Variants in FARS2 observed in about 807,000 individuals in gnomAD.
The protein encoded by FARS2 is phenylalanyl-tRNA synthetase 2, mitochondrial.
Under a neutral mutation model 46.4 loss-of-function variants are expected in FARS2, and 40 were observed. That is an observed-to-expected ratio of 0.86 (90% CI 0.67 to 1.12). The LOEUF is 1.12. Among genes scored for constraint, FARS2 ranks in the 50% most tolerant of loss-of-function variants. The pLI is 0.00. For synonymous variants in FARS2, 234 were observed against 214.9 expected, an observed-to-expected ratio of 1.09 and a Z score of -0.78; for missense variants, 513 against 567.9, an observed-to-expected ratio of 0.90 and a Z score of 0.98.
At chr6:5,250,111 T>C in the FARS2 span, among the ~76,000 whole-genome samples, 1 of 152,304 alleles carries the variant, frequency 6.6e-6, no homozygotes, top group Middle Eastern at 3.4e-3. Flanking sequence ...GGCCTAACTT[T>C]ACTCCTCATT....
intron 1 of FARS2, among the ~76,000 whole-genome samples, chr6:5,271,026 T>C (rs1326553729): frequency 6.6e-6 from 1 of 152,208 alleles, no homozygotes; most frequent in Non-Finnish European, 1.5e-5. Context: ...GTGACTGCCA[T>C]TGCAAGTAAC....
chr6:5,536,279 C>T (rs1200960147), intron 4 of FARS2, among the ~76,000 whole-genome samples: 3 of 152,092 alleles, frequency 2.0e-5, no homozygotes, highest in Non-Finnish European at 4.4e-5. Context: ...GATCTGCCCA[C>T]CTCGGCCTCC....
At chr6:5,318,235 T>TAC (rs1423377222) in intron 1 of FARS2, among the ~76,000 whole-genome samples, 1 of 152,062 alleles carries the variant, frequency 6.6e-6, no homozygotes, top group African/African-American at 2.4e-5. Context: ...GGCCGGCACC[T>TAC]GTAGTTCCAG....
intron 6 of FARS2, among the ~76,000 whole-genome samples, chr6:5,645,198 C>T (rs1309543564): frequency 6.6e-6 from 1 of 152,188 alleles, no homozygotes; most frequent in Admixed American, 6.5e-5. Context: ...GTCATTCTCC[C>T]TCTGGTGTAA....
intron 4 of FARS2, among the ~76,000 whole-genome samples, chr6:5,448,126 T>C (rs1764282783): frequency 6.6e-6 from 1 of 151,748 alleles, no homozygotes; most frequent in Non-Finnish European, 1.5e-5. Flanking sequence ...ACAGTGAGAG[T>C]GCTGGTGGGA....
At chr6:5,331,086 C>T (rs1349104602) in intron 1 of FARS2, among the ~76,000 whole-genome samples, 2 of 140,882 alleles carry the variant, frequency 1.4e-5, no homozygotes, top group African/African-American at 2.7e-5. Context: ...GCCTGGGTGA[C>T]AGAGTGAAAC....
At chr6:5,752,774 G>A (rs1762020637) in intron 6 of FARS2, among the ~76,000 whole-genome samples, 1 of 152,150 alleles carries the variant, frequency 6.6e-6, no homozygotes, top group African/African-American at 2.4e-5. Context: ...TGGGGCCCAG[G>A]GATGGAAGGC....
intron 5 of FARS2, among the ~76,000 whole-genome samples, chr6:5,610,720 T>G (rs144174119): frequency 6.1e-4 from 93 of 152,300 alleles, no homozygotes; most frequent in African/African-American, 2.1e-3. Context: ...TAAGAAAACA[T>G]GAATAATATT....
At chr6:5,287,448 G>A (rs1439228547) in intron 1 of FARS2, among the ~76,000 whole-genome samples, 1 of 152,116 alleles carries the variant, frequency 6.6e-6, no homozygotes, top group Non-Finnish European at 1.5e-5. Context: ...TTTTTATCCT[G>A]ATTCTCTTTT....
intron 6 of FARS2, among the ~76,000 whole-genome samples, chr6:5,696,758 A>G (rs967982629): frequency 1.3e-5 from 2 of 152,202 alleles, no homozygotes; most frequent in African/African-American, 4.8e-5. Flanking sequence ...TAAATTTTTT[A>G]CTATGAACAT....
chr6:5,721,606 C>T (rs1449171479), intron 6 of FARS2, among the ~76,000 whole-genome samples: 1 of 152,178 alleles, frequency 6.6e-6, no homozygotes, highest in Non-Finnish European at 1.5e-5. Context: ...TAAGCGTCGA[C>T]ACATTTCATT....
At chr6:5,599,845 C>T (rs570235908) in intron 5 of FARS2, among the ~76,000 whole-genome samples, 5 of 151,936 alleles carry the variant, frequency 3.3e-5, no homozygotes, top group Non-Finnish European at 4.4e-5. Flanking sequence ...ACCAGAGGCA[C>T]ATGTGATATT....
intron 3 of FARS2, among the ~76,000 whole-genome samples, chr6:5,410,472 A>G (rs1761883503): frequency 1.3e-5 from 2 of 151,978 alleles, no homozygotes; most frequent in Admixed American, 6.5e-5. Flanking sequence ...GCGTTGTTCT[A>G]TTTCAGGCAT....
chr6:5,653,875 A>T (rs1777488063), intron 6 of FARS2, among the ~76,000 whole-genome samples: 1 of 151,960 alleles, frequency 6.6e-6, no homozygotes, highest in African/African-American at 2.4e-5. Context: ...GGGGAAGAGG[A>T]TAGTGGAGAA....
intron 3 of FARS2, among the ~76,000 whole-genome samples, chr6:5,413,213 C>T (rs1213609843): frequency 1.3e-5 from 2 of 152,094 alleles, no homozygotes; most frequent in African/African-American, 4.8e-5. Flanking sequence ...TTTAAGGAGC[C>T]CAGAAACCTT....
At chr6:5,477,190 C>T (rs1194859306) in intron 4 of FARS2, among the ~76,000 whole-genome samples, 1 of 152,046 alleles carries the variant, frequency 6.6e-6, no homozygotes, top group African/African-American at 2.4e-5. Context: ...AGAACAAAAC[C>T]AAAACCAAGT....
chr6:5,368,676 C>T lies in FARS2; in HGVS notation c.106C>T (p.Pro36Ser), dbSNP rs746431585. ...GHQHQAWGSR[P>S]PAAECATQRA... ...TCAGCACCAGGCCTGGGGATCGAGGCCTCCTGCAGCAGAGTGTGCCACCCA... is the reference window on the plus strand; with the variant it reads ...TCAGCACCAGGCCTGGGGATCGAGGTCTCCTGCAGCAGAGTGTGCCACCCA... The change falls in exon 2 of 7, where the codon CCT becomes TCT. Residue 36 changes from proline to serine, a missense_variant. Physicochemically the swap from Pro to Ser is moderately conservative, Grantham distance 74. Transcript: ENST00000274680. 3.7e-6 allele frequency: 6 copies of T among 1,614,054 alleles called. No homozygotes were observed. In the South Asian group the frequency reaches 6.6e-5, roughly 18 times the overall value.
chr6:5,307,610 A>G (rs1768801732), intron 1 of FARS2, among the ~76,000 whole-genome samples: 2 of 152,246 alleles, frequency 1.3e-5, no homozygotes, highest in African/African-American at 2.4e-5. Flanking sequence ...AACATTGGGT[A>G]GTATTGCTGT....
chr6:5,568,398 C>T (rs922935766), intron 5 of FARS2, among the ~76,000 whole-genome samples: 23 of 152,296 alleles, frequency 1.5e-4, no homozygotes, highest in African/African-American at 5.1e-4. Flanking sequence ...TGAGCATCTG[C>T]TCTTGTGCCA....
Sources: gnomAD v4.1 joint callset for allele counts (sites outside exome capture counted in the v4.1 genomes callset) on GRCh38, gnomAD v4.1.1 for gene constraint, MANE v1.5 for transcripts, NCBI Gene and HGNC (gene_info 2026-07-23, HGNC 2026-07-21) for gene names.